Variants in PTGES3 observed in about 807,000 individuals in gnomAD.
The protein encoded by PTGES3 is prostaglandin E synthase 3.
In PTGES3, 5 loss-of-function variants were observed where a neutral mutation model predicts 29.9. The observed-to-expected ratio is 0.17, with a 90% CI of 0.09 to 0.35. The LOEUF is 0.35. PTGES3 is among the 10% of genes least tolerant of loss of function. PTGES3 has a pLI of 1.00. For missense variants in PTGES3, 128 were observed against 190.0 expected, an observed-to-expected ratio of 0.67 and a Z score of 1.92; for synonymous variants, 49 against 57.8, an observed-to-expected ratio of 0.85 and a Z score of 0.69.
At chr12:56,686,113 C>CTATCT (rs1952834456) in intron 1 of PTGES3, among the ~76,000 whole-genome samples, 1 of 151,902 alleles carries the variant, frequency 6.6e-6, no homozygotes, top group Non-Finnish European at 1.5e-5. Context: ...ATCTACTTTC[C>CTATCT]TAGTAATAGC....
chr12:56,673,331 C>T (rs777939849), intron 1 of PTGES3, among the ~76,000 whole-genome samples: 1 of 151,722 alleles, frequency 6.6e-6, no homozygotes, highest in South Asian at 2.1e-4. Flanking sequence ...CTAGTCCTAT[C>T]AAAAATTATG....
intron 6 of PTGES3, 56 bp downstream of exon 6, chr12:56,666,146 TTG>T: frequency 6.6e-7 from 1 of 1,516,412 alleles, no homozygotes; most frequent in Non-Finnish European, 8.9e-7. Flanking sequence ...TGTAAATATG[TTG>T]TTTCTTACTA....
chr12:56,682,620 G>C (rs1952596821), intron 1 of PTGES3, among the ~76,000 whole-genome samples: 2 of 150,934 alleles, frequency 1.3e-5, no homozygotes, highest in South Asian at 4.2e-4. Context: ...GGGTGCAGCA[G>C]CTCACACCTG....
At position 56,669,759 on chromosome 12, in the gene PTGES3, G is replaced by A. The variant is rs149576753; in HGVS notation, c.375+516C>T. On this transcript the variant is annotated intron_variant, in intron 5 of 7. Transcript: ENST00000262033. ...GGAGTAGGTGGGACCACAGGTGCGC[G>A]CCACCATGCCCAGCTAATTTTTTTT... Among the ~76,000 whole-genome samples the A allele has an allele frequency of 2.5e-3, 386 of 151,882 alleles. 1 individual carries two copies. Among genetic ancestry groups the A allele is most frequent in the African/African-American group, 8.8e-3 (363 of 41,388 alleles).
intron 1 of PTGES3, among the ~76,000 whole-genome samples, chr12:56,675,952 C>T (rs1474716298): frequency 2.0e-5 from 3 of 151,734 alleles, no homozygotes; most frequent in Non-Finnish European, 4.4e-5. Flanking sequence ...GCAGACCAGG[C>T]GCAGTGACTC....
In PTGES3 at chr12:56,676,467, TGA is replaced by T. The variant is rs1327973579; in HGVS notation, c.3-3404_3-3403del. On this transcript the variant is annotated intron_variant, in intron 1 of 7. Coordinates refer to ENST00000262033, the MANE Select transcript of PTGES3 (RefSeq NM_006601.7). ...AGTCTAAAATTTGTTATGGAGGCAG[TGA>T]GAGAGTGATATTTGACCTTGAGTCT... Among the ~76,000 whole-genome samples the T allele has an allele frequency of 9.2e-5, 14 of 152,130 alleles. 1 individual carries two copies. Among genetic ancestry groups the T allele is most frequent in the African/African-American group, 2.9e-4 (12 of 41,488 alleles).
In PTGES3 at chr12:56,664,314, C is replaced by A. The variant is rs1292588517; in HGVS notation, c.*165G>T. ...TGCCCCATACAATGGTACATATCAA[C>A]CCTTAGTGAAGCCTTTTAAAAAACA... On this transcript the variant is annotated 3_prime_UTR_variant, in exon 8 of 8. Transcript: ENST00000262033. 7.1e-6 allele frequency: 5 copies of A among 705,660 alleles called. No individual in the cohort carries two copies. Among genetic ancestry groups the A allele is most frequent in the Non-Finnish European group, 1.2e-5 (5 of 417,544 alleles). 43.7% of individuals were successfully genotyped at this position (705,660 alleles called of 1,614,324 possible).
chr12:56,663,816 T>C lies in PTGES3; in HGVS notation c.*663A>G, dbSNP rs1951694900. 6.5e-6 allele frequency: 1 copy of C among 152,678 alleles called. No homozygotes were observed. The highest frequency in any genetic ancestry group is 1.5e-5 in the Non-Finnish European group (1 of 68,072). 9.5% of individuals were successfully genotyped at this position (152,678 alleles called of 1,614,324 possible). On this transcript the variant is annotated 3_prime_UTR_variant, in exon 8 of 8. Coordinates refer to ENST00000262033, the MANE Select transcript of PTGES3 (RefSeq NM_006601.7). ...AGACTCTCAAGCAACAATGTACAGC[T>C]TTCTTCGTCCTCCATGCTAAGAGAT... is the stretch of plus-strand genomic sequence containing the variant.
chr12:56,666,169 T>C (rs776010012), intron 6 of PTGES3, 35 bp downstream of exon 6: 3 of 1,571,652 alleles, frequency 1.9e-6, no homozygotes, highest in South Asian at 1.2e-5. Flanking sequence ...TTTAATAGTA[T>C]GAAAGTAAAC....
Position 56,688,197 on chromosome 12 carries a change from C to A in PTGES3, c.-198G>T. On this transcript the variant is annotated 5_prime_UTR_variant, in exon 1 of 8. Coordinates refer to ENST00000262033, the MANE Select transcript of PTGES3 (RefSeq NM_006601.7). ...AATGCACCGCGCGGAAAGAGCGGCT[C>A]CTCCGGTCGGGGAGAAGAGGAAAGT... is the stretch of plus-strand genomic sequence containing the variant. The A allele has an allele frequency of 1.0e-6, 1 of 986,094 alleles. No individual in the cohort carries two copies. The highest frequency in any genetic ancestry group is 1.7e-5 in the African/African-American group (1 of 58,132). 61.1% of individuals were successfully genotyped at this position (986,094 alleles called of 1,614,324 possible). A position where few individuals can be genotyped will look rare whatever the true frequency, so the allele number is the denominator to read the frequency against.
chr12:56,669,464 G>A (rs1368947966), intron 5 of PTGES3, among the ~76,000 whole-genome samples: 2 of 152,116 alleles, frequency 1.3e-5, no homozygotes, highest in East Asian at 1.9e-4. Flanking sequence ...TTGTATTTTA[G>A]TAGAGACGGG....
At chr12:56,679,960 C>A (rs964735538) in intron 1 of PTGES3, among the ~76,000 whole-genome samples, 2 of 151,942 alleles carry the variant, frequency 1.3e-5, no homozygotes, top group Non-Finnish European at 2.9e-5. Context: ...CAGGCATGAG[C>A]CACCGCACCC....
intron 1 of PTGES3, chr12:56,687,582 C>T (rs1345927116): frequency 1.9e-6 from 2 of 1,053,998 alleles, no homozygotes; most frequent in Non-Finnish European, 2.3e-6. Context: ...GCACTCGACT[C>T]AGGGCCTGGC....
At chr12:56,670,467 A>G (rs1951960289) in intron 4 of PTGES3, 103 bp from the exon 5 acceptor site, 3 of 811,758 alleles carry the variant, frequency 3.7e-6, no homozygotes, top group Admixed American at 2.1e-5. Flanking sequence ...AGGTCTTGCT[A>G]TGTTGCCCAG....
chr12:56,673,666 G>A (rs185241731), intron 1 of PTGES3, among the ~76,000 whole-genome samples: 4 of 151,498 alleles, frequency 2.6e-5, no homozygotes, highest in South Asian at 2.1e-4. Context: ...AGTGGCAGGC[G>A]CCTGTAATCT....
chr12:56,665,785 C>A lies in PTGES3; in HGVS notation c.438+419G>T, dbSNP rs1237264393. 6 of 666,872 alleles carry A rather than the reference C, an allele frequency of 9.0e-6. No individual in the cohort carries two copies. The East Asian group carries it at 8.1e-4, about 90-fold the overall frequency. 41.3% of individuals were successfully genotyped at this position (666,872 alleles called of 1,614,324 possible). On this transcript the variant is annotated intron_variant, in intron 6 of 7. Transcript: ENST00000262033. The stretch of plus-strand genomic sequence containing the variant: ...GCTCACCAGTAGCTGGGATTACAGG[C>A]ACCTGCCATCATGTCTGGCTAAGTT...
In PTGES3 at chr12:56,688,192, C is replaced by T. The variant is rs1952979416; in HGVS notation, c.-193G>A. 5.0e-6 allele frequency: 5 copies of T among 993,530 alleles called. No individual in the cohort carries two copies. The highest frequency in any genetic ancestry group is 2.1e-5 in the South Asian group (1 of 47,498). 61.5% of individuals were successfully genotyped at this position (993,530 alleles called of 1,614,324 possible). On this transcript the variant is annotated 5_prime_UTR_variant, in exon 1 of 8. Coordinates refer to ENST00000262033, the MANE Select transcript of PTGES3 (RefSeq NM_006601.7). ...CCCAGAATGCACCGCGCGGAAAGAGCGGCTCCTCCGGTCGGGGAGAAGAGG... is the reference window on the plus strand; with the variant it reads ...CCCAGAATGCACCGCGCGGAAAGAGTGGCTCCTCCGGTCGGGGAGAAGAGG...
intron 5 of PTGES3, among the ~76,000 whole-genome samples, chr12:56,669,192 TTTAA>T (rs1303921106): frequency 1.3e-5 from 2 of 151,340 alleles, no homozygotes; most frequent in African/African-American, 4.9e-5. Context: ...TGTAGTTTTA[TTTAA>T]TTATTTATTA....
chr12:56,685,333 T>TC (rs1420913140), intron 1 of PTGES3, among the ~76,000 whole-genome samples: 1 of 151,896 alleles, frequency 6.6e-6, no homozygotes, highest in Non-Finnish European at 1.5e-5. Context: ...AACACTTGTT[T>TC]CCCCCAGCCC....
Sources: allele counts gnomAD v4.1 joint callset (sites outside exome capture counted in the v4.1 genomes callset), GRCh38; gene constraint gnomAD v4.1.1; transcripts MANE v1.5; gene names NCBI Gene and HGNC (gene_info 2026-07-23, HGNC 2026-07-21).